The following SGCZ variants were observed in gnomAD, a reference collection of about 807,000 sequenced individuals.
SGCZ encodes the protein zeta-sarcoglycan.
SGCZ carries 40 observed loss-of-function variants against 41.3 expected under a neutral mutation model. The observed-to-expected ratio is 0.97, with a 90% CI of 0.75 to 1.26. The LOEUF (loss-of-function observed/expected upper bound fraction) is 1.26. Among genes scored for constraint, SGCZ ranks in the 50% most tolerant of loss-of-function variants. SGCZ has a pLI of 0.00. For missense variants in SGCZ, 552 were observed against 369.8 expected, an observed-to-expected ratio of 1.49 and a Z score of -4.04; for synonymous variants, 206 against 137.5, an observed-to-expected ratio of 1.50 and a Z score of -3.49.
chr8:14,651,224 C>T (rs1156562424), intron 1 of SGCZ, among the ~76,000 whole-genome samples: 1 of 151,964 alleles, frequency 6.6e-6, no homozygotes, highest in East Asian at 1.9e-4. Flanking sequence ...AAGTAGATTG[C>T]TCCTAAAAAT....
chr8:15,165,434 G>T (rs537004350), intron 1 of SGCZ, among the ~76,000 whole-genome samples: 1 of 152,146 alleles, frequency 6.6e-6, no homozygotes. Flanking sequence ...CAGAAGCAAG[G>T]TTTGCCAGGT....
intron 4 of SGCZ, among the ~76,000 whole-genome samples, chr8:14,185,695 G>C (rs62492285): frequency 0.24 from 37,025 of 151,674 alleles, 5,758 homozygotes; most frequent in Non-Finnish European, 0.35. Flanking sequence ...TTTTGTTTTG[G>C]TCTATATCCC....
At chr8:14,705,715 G>A (rs1442889668) in intron 1 of SGCZ, among the ~76,000 whole-genome samples, 1 of 151,992 alleles carries the variant, frequency 6.6e-6, no homozygotes, top group Non-Finnish European at 1.5e-5. Context: ...GAAATTCTAG[G>A]AAGCAGAGGT....
At chr8:14,769,707 A>C (rs553729935) in intron 1 of SGCZ, among the ~76,000 whole-genome samples, 1 of 150,814 alleles carries the variant, frequency 6.6e-6, no homozygotes, top group African/African-American at 2.4e-5. Flanking sequence ...CAGGAGAATC[A>C]TCACTTAAAC....
At chr8:14,797,576 A>T (rs1400922317) in intron 1 of SGCZ, among the ~76,000 whole-genome samples, 1 of 152,230 alleles carries the variant, frequency 6.6e-6, no homozygotes, top group African/African-American at 2.4e-5. Flanking sequence ...ATAGCAAAGA[A>T]AAAACTATTT....
intron 2 of SGCZ, among the ~76,000 whole-genome samples, chr8:14,358,501 T>C (rs1053232040): frequency 3.3e-5 from 5 of 152,186 alleles, no homozygotes; most frequent in Admixed American, 2.0e-4. Flanking sequence ...ATATGTTATA[T>C]GTCAAGGAAA....
chr8:14,391,902 T>C (rs10110337), intron 2 of SGCZ, among the ~76,000 whole-genome samples: 42,671 of 151,906 alleles, frequency 0.28, 6,070 homozygotes, highest in Middle Eastern at 0.34. Flanking sequence ...CATGTCCTGC[T>C]CCTGCCACAT....
At chr8:14,721,401 T>C (rs1042954526) in intron 1 of SGCZ, among the ~76,000 whole-genome samples, 5 of 152,210 alleles carry the variant, frequency 3.3e-5, no homozygotes, top group African/African-American at 9.6e-5. Context: ...TTCGTGCTTT[T>C]ATCTGAAAAC....
At chr8:14,895,433 A>G (rs144368356) in intron 1 of SGCZ, among the ~76,000 whole-genome samples, 43 of 152,238 alleles carry the variant, frequency 2.8e-4, no homozygotes, top group African/African-American at 9.6e-4. Flanking sequence ...GATACATAAC[A>G]TTTCTACTCT....
At chr8:14,120,773 G>C (rs1204888947) in intron 5 of SGCZ, among the ~76,000 whole-genome samples, 1 of 151,954 alleles carries the variant, frequency 6.6e-6, no homozygotes, top group African/African-American at 2.4e-5. Flanking sequence ...TAATCAAAAG[G>C]CATTAAAGAG....
At chr8:14,853,582 T>TA (rs1429972709) in intron 1 of SGCZ, 66 of 449,662 alleles carry the variant, frequency 1.5e-4, no homozygotes, top group Middle Eastern at 7.0e-4. Flanking sequence ...CATTGCAGGT[T>TA]AAAAAAAAAT....
chr8:14,448,826 A>G (rs1372071466), intron 2 of SGCZ, among the ~76,000 whole-genome samples: 2 of 152,086 alleles, frequency 1.3e-5, no homozygotes, highest in Non-Finnish European at 2.9e-5. Context: ...TCTTCCCTAT[A>G]CTACTATATA....
At chr8:14,621,141 A>C (rs183848024) in intron 1 of SGCZ, among the ~76,000 whole-genome samples, 8,248 of 151,956 alleles carry the variant, frequency 0.054, 264 homozygotes, top group South Asian at 0.15. Flanking sequence ...CTTTGTAGGG[A>C]CATGGATGAA....
intron 2 of SGCZ, among the ~76,000 whole-genome samples, chr8:14,454,012 T>C (rs1336211651): frequency 6.6e-6 from 1 of 152,208 alleles, no homozygotes; most frequent in Non-Finnish European, 1.5e-5. Flanking sequence ...TAATTGTTTT[T>C]AATGAATCTT....
At chr8:14,924,098 A>C (rs1350402717) in intron 1 of SGCZ, among the ~76,000 whole-genome samples, 3 of 152,254 alleles carry the variant, frequency 2.0e-5, no homozygotes, top group Non-Finnish European at 4.4e-5. Context: ...TCGCACCTGC[A>C]TAAATGAACA....
At chr8:14,954,739 G>C (rs1187016175) in intron 1 of SGCZ, among the ~76,000 whole-genome samples, 1 of 152,062 alleles carries the variant, frequency 6.6e-6, no homozygotes, top group Non-Finnish European at 1.5e-5. Flanking sequence ...TTAACTGATT[G>C]AGCCTTAGGT....
chr8:14,449,768 T>G (rs574151424), intron 2 of SGCZ, among the ~76,000 whole-genome samples: 4 of 152,130 alleles, frequency 2.6e-5, no homozygotes, highest in Non-Finnish European at 5.9e-5. Flanking sequence ...ATTCTAGGCT[T>G]AAACTGAGAA....
chr8:15,005,550 C>T (rs192288832), intron 1 of SGCZ, among the ~76,000 whole-genome samples: 4 of 130,480 alleles, frequency 3.1e-5, no homozygotes, highest in Admixed American at 7.6e-5. Context: ...AGGCTGGTCT[C>T]GAACTCCTGA....
chr8:14,680,061 A>G (rs1276791278), intron 1 of SGCZ, among the ~76,000 whole-genome samples: 1 of 152,112 alleles, frequency 6.6e-6, no homozygotes, highest in Non-Finnish European at 1.5e-5. Context: ...TATTTGCACA[A>G]TGATGAAATT....
Sources: allele counts gnomAD v4.1 joint callset (sites outside exome capture counted in the v4.1 genomes callset), GRCh38; gene constraint gnomAD v4.1.1; transcripts MANE v1.5; gene names NCBI Gene and HGNC (gene_info 2026-07-23, HGNC 2026-07-21).